FOXN3: variants seen among roughly 807,000 people sequenced by gnomAD.
The protein encoded by FOXN3 is forkhead box protein N3.
Under a neutral mutation model 38.4 loss-of-function variants are expected in FOXN3, and 7 were observed. The observed-to-expected ratio is 0.18, with a 90% CI of 0.10 to 0.34. The LOEUF is 0.34. FOXN3 is among the 10% of genes least tolerant of loss of function. The probability of loss-of-function intolerance (pLI) is 1.00; values close to 1 mark genes in which losing one functional copy is unlikely to be tolerated. For missense variants in FOXN3, 456 were observed against 613.4 expected, an observed-to-expected ratio of 0.74 and a Z score of 2.71; for synonymous variants, 230 against 242.2, an observed-to-expected ratio of 0.95 and a Z score of 0.47.
At chr14:89,170,273 T>C (rs566317911) in intron 5 of FOXN3, among the ~76,000 whole-genome samples, 2 of 152,294 alleles carry the variant, frequency 1.3e-5, no homozygotes, top group Admixed American at 1.3e-4. Context: ...GAATGGGAGA[T>C]TTTAATGCAT....
intron 1 of FOXN3, among the ~76,000 whole-genome samples, chr14:89,499,857 C>T (rs1220954962): frequency 3.3e-5 from 5 of 152,134 alleles, no homozygotes; most frequent in African/African-American, 9.6e-5. Flanking sequence ...GCAGCCTCCA[C>T]GGAAGGGGAG....
At chr14:89,208,971 A>G (rs1016672240) in intron 4 of FOXN3, among the ~76,000 whole-genome samples, 1 of 152,200 alleles carries the variant, frequency 6.6e-6, no homozygotes, top group African/African-American at 2.4e-5. Flanking sequence ...TAACAACATT[A>G]GACAAGTCCT....
chr14:89,567,154 A>C (rs1300874857), intron 1 of FOXN3, among the ~76,000 whole-genome samples: 1 of 152,170 alleles, frequency 6.6e-6, no homozygotes, highest in East Asian at 1.9e-4. Flanking sequence ...TCTTTTTAGA[A>C]AATTACCTGT....
At chr14:89,319,972 C>T (rs968971394) in intron 3 of FOXN3, among the ~76,000 whole-genome samples, 4 of 152,198 alleles carry the variant, frequency 2.6e-5, no homozygotes, top group Non-Finnish European at 5.9e-5. Context: ...AAGGATGACG[C>T]TTTGCATTTC....
chr14:89,206,866 T>G (rs545344444), intron 4 of FOXN3, among the ~76,000 whole-genome samples: 1 of 152,242 alleles, frequency 6.6e-6, no homozygotes, highest in South Asian at 2.1e-4. Flanking sequence ...GCCTAAGCCG[T>G]GCCTGGGAGC....
At chr14:89,245,602 A>G (rs1159756149) in intron 4 of FOXN3, among the ~76,000 whole-genome samples, 1 of 152,162 alleles carries the variant, frequency 6.6e-6, no homozygotes, top group African/African-American at 2.4e-5. Flanking sequence ...TAAACCACTT[A>G]TGAAATAAAG....
intron 3 of FOXN3, among the ~76,000 whole-genome samples, chr14:89,289,677 G>C (rs1270043012): frequency 6.6e-6 from 1 of 152,192 alleles, no homozygotes; most frequent in African/African-American, 2.4e-5. Context: ...TCCTTAATAT[G>C]AAATGTTCTT....
intron 1 of FOXN3, among the ~76,000 whole-genome samples, chr14:89,539,685 G>A (rs1826036018): frequency 6.6e-6 from 1 of 152,130 alleles, no homozygotes; most frequent in Non-Finnish European, 1.5e-5. Flanking sequence ...GTAAGTAGGT[G>A]TATTTATTGA....
chr14:89,336,168 A>ACACG (rs1888450868), intron 3 of FOXN3, among the ~76,000 whole-genome samples: 1 of 138,440 alleles, frequency 7.2e-6, no homozygotes, highest in Non-Finnish European at 1.6e-5. Flanking sequence ...ACACACACAC[A>ACACG]CACATTCATA....
intron 4 of FOXN3, among the ~76,000 whole-genome samples, chr14:89,278,262 T>C (rs1183660249): frequency 6.6e-6 from 1 of 152,102 alleles, no homozygotes; most frequent in Non-Finnish European, 1.5e-5. Context: ...GGAAACCCCT[T>C]ATAAAACCAT....
chr14:89,303,779 T>C lies in FOXN3; in HGVS notation c.681-22765A>G, dbSNP rs553135799. ...TTTAATGGATGTTTCTGAGCATCTA[T>C]ACATCGCCTTCTTCTCAGAACAGAC... is the stretch of plus-strand genomic sequence containing the variant. On this transcript the variant is annotated intron_variant, in intron 3 of 5. Coordinates refer to ENST00000557258, the MANE Select transcript of FOXN3 (RefSeq NM_005197.4). 1.4e-4 allele frequency among the ~76,000 whole-genome samples: 22 copies of C among 152,368 alleles called. No individual in the cohort carries two copies. The South Asian group carries it at 4.1e-3, about 29-fold the overall frequency.
chr14:89,245,262 G>T (rs186356259), intron 4 of FOXN3, among the ~76,000 whole-genome samples: 156 of 152,180 alleles, frequency 1.0e-3, no homozygotes, highest in African/African-American at 3.5e-3. Flanking sequence ...GGTCATTCGG[G>T]GCCCTTTCCT....
At chr14:89,483,340 G>A (rs533057694) in intron 1 of FOXN3, among the ~76,000 whole-genome samples, 30 of 152,142 alleles carry the variant, frequency 2.0e-4, no homozygotes, top group Non-Finnish European at 3.7e-4. Flanking sequence ...ATGCAAGAGA[G>A]CTACACTGGC....
At chr14:89,175,791 C>T (rs1490516272) in intron 5 of FOXN3, among the ~76,000 whole-genome samples, 9 of 152,140 alleles carry the variant, frequency 5.9e-5, no homozygotes. Context: ...TTTTCTGCCA[C>T]CTGATGAGGC....
chr14:89,557,875 G>T (rs1488023276), intron 1 of FOXN3, among the ~76,000 whole-genome samples: 1 of 152,066 alleles, frequency 6.6e-6, no homozygotes, highest in East Asian at 1.9e-4. Context: ...GCATGGTGGT[G>T]CGTGCCTGTA....
rs192454392 is a variant in FOXN3, at chr14:89,538,760, C to T, written c.-15+80268G>A. On this transcript the variant is annotated intron_variant, in intron 1 of 6. Coordinates refer to the FOXN3 transcript ENST00000345097. ...TTCGAACTCCCGACCTCAGGTGATC[C>T]GCCCGCCTCAGCCTCCCAAAAGAGC... is the stretch of plus-strand genomic sequence containing the variant. Among the ~76,000 whole-genome samples, 434 of 151,990 alleles carry T rather than the reference C, an allele frequency of 2.9e-3. 4 individuals are homozygous for T. The highest frequency in any genetic ancestry group is 9.7e-3 in the African/African-American group (401 of 41,510).
At chr14:89,433,482 A>G (rs559085443) in intron 1 of FOXN3, among the ~76,000 whole-genome samples, 6 of 149,516 alleles carry the variant, frequency 4.0e-5, no homozygotes, top group African/African-American at 1.5e-4. Context: ...ACTCCATCTC[A>G]AACAAACAAA....
intron 1 of FOXN3, among the ~76,000 whole-genome samples, chr14:89,519,257 C>A (rs750977476): frequency 6.6e-6 from 1 of 152,088 alleles, no homozygotes; most frequent in Non-Finnish European, 1.5e-5. Flanking sequence ...CATTTCCCTG[C>A]CGTCCAGAGG....
chr14:89,506,148 G>A (rs1338748647), intron 1 of FOXN3, among the ~76,000 whole-genome samples: 1 of 119,756 alleles, frequency 8.4e-6, no homozygotes, highest in African/African-American at 2.9e-5. Flanking sequence ...CCCCTACTGG[G>A]AAGTGAGGAG....
Sources: gnomAD v4.1 joint callset for allele counts (sites outside exome capture counted in the v4.1 genomes callset) on GRCh38, gnomAD v4.1.1 for gene constraint, MANE v1.5 for transcripts, NCBI Gene and HGNC (gene_info 2026-07-23, HGNC 2026-07-21) for gene names.